ANKRD2: variants seen among roughly 807,000 people sequenced by gnomAD.
ANKRD2 encodes the protein ankyrin repeat domain 2.
ANKRD2 carries 35 observed loss-of-function variants against 37.3 expected under a neutral mutation model. The ratio of observed to expected loss-of-function variants is 0.94; its 90% CI spans 0.72 to 1.24. The LOEUF is 1.24. ANKRD2 is among the 50% of genes most tolerant of loss of function. The probability of loss-of-function intolerance (pLI) is 0.00; values close to 1 mark genes in which losing one functional copy is unlikely to be tolerated. For missense variants in ANKRD2, 410 were observed against 445.6 expected, an observed-to-expected ratio of 0.92 and a Z score of 0.72; for synonymous variants, 159 against 186.5, an observed-to-expected ratio of 0.85 and a Z score of 1.20.
In ANKRD2 at chr10:97,583,655, C is replaced by T. The variant is rs773960501; in HGVS notation, c.932C>T (p.Ala311Val). The T allele has an allele frequency of 1.9e-6, 3 of 1,605,654 alleles. No individual in the cohort carries two copies. Among genetic ancestry groups the T allele is most frequent in the Non-Finnish European group, 1.7e-6 (2 of 1,176,604 alleles). Reference sequence around the variant, plus strand: ...GCCCTGGAGCATCCTGAGCCGGGGGCTGAGCATAACGGGCTGGAGGGGCCT... The same window carrying T: ...GCCCTGGAGCATCCTGAGCCGGGGGTTGAGCATAACGGGCTGGAGGGGCCT... ...RHALEHPEPG[A>V]EHNGLEGPND... Residue 311 changes from alanine (A) to valine (V), a missense_variant, in exon 9 of 9, where the codon GCT becomes GTT. Physicochemically the swap from Ala to Val is moderately conservative, Grantham distance 64 (BLOSUM62 0). Transcript: ENST00000370655.
At chr10:97,575,236 G>T (rs1399308429) in intron 1 of ANKRD2, among the ~76,000 whole-genome samples, 1 of 152,156 alleles carries the variant, frequency 6.6e-6, no homozygotes. Flanking sequence ...GCCTGGCAGG[G>T]TTCTTGGAGG....
chr10:97,583,236 A>G (rs182771753), intron 8 of ANKRD2, among the ~76,000 whole-genome samples: 2 of 152,350 alleles, frequency 1.3e-5, no homozygotes, highest in East Asian at 3.9e-4. Flanking sequence ...GGCTCAAGAA[A>G]GGCTAAAGGG....
upstream of ANKRD2, chr10:97,572,693 T>A: frequency 1.3e-6 from 2 of 1,595,654 alleles, no homozygotes; most frequent in Non-Finnish European, 1.7e-6. Context: ...GGTGGAGAAT[T>A]GGGCCAGTGA....
chr10:97,576,819 C>T (rs770119983), intron 1 of ANKRD2, among the ~76,000 whole-genome samples: 14 of 151,956 alleles, frequency 9.2e-5, no homozygotes, highest in Non-Finnish European at 2.1e-4. Context: ...GCTTCAGCCT[C>T]CCAAGTAGCT....
intron 2 of ANKRD2, 137 bp from the exon 3 acceptor site, chr10:97,578,103 G>A: frequency 5.0e-6 from 6 of 1,198,668 alleles, no homozygotes; most frequent in Non-Finnish European, 6.9e-6. Context: ...CCTGGAAGGA[G>A]GGATAGACCT....
At chr10:97,582,547 A>G (rs2040912824) in intron 7 of ANKRD2, 57 bp from the exon 8 acceptor site, 3 of 1,586,186 alleles carry the variant, frequency 1.9e-6, no homozygotes, top group African/African-American at 1.3e-5. Context: ...ACCTCCCATC[A>G]CCCTTGCCTC....
chr10:97,572,876 G>T lies in ANKRD2; in HGVS notation c.87+1G>T. On this transcript the variant is annotated splice_donor_variant, in intron 1 of 8. Coordinates refer to ENST00000370655, the MANE Select transcript of ANKRD2 (RefSeq NM_001346793.2). LOFTEE classifies it high-confidence loss of function. ...GCTGGCACAGGAGGAGGAGAATGAG[G>T]TGCGAGCAGGGGTGGAGGTGCCCAA... 1 of 1,551,408 alleles carries T rather than the reference G, an allele frequency of 6.4e-7. No homozygotes were observed. Among genetic ancestry groups the T allele is most frequent in the South Asian group, 1.2e-5 (1 of 84,060 alleles).
rs1231352264 is a variant in ANKRD2 at position 97,583,660 on chromosome 10, C to T, written c.937C>T (p.His313Tyr). 4 of 1,605,746 alleles carry T rather than the reference C, an allele frequency of 2.5e-6. No homozygotes were observed. Among genetic ancestry groups the T allele is most frequent in the Non-Finnish European group, 3.4e-6 (4 of 1,176,730 alleles). The change falls in exon 9 of 9, where the codon CAT becomes TAT. Residue 313 changes from histidine (H) to tyrosine (Y), a missense_variant. By Grantham distance (83) the His-to-Tyr change is moderately conservative (BLOSUM62 2). Transcript: ENST00000370655. The part of the protein sequence containing the change: ...ALEHPEPGAE[H>Y]NGLEGPNDSG... ...GGAGCATCCTGAGCCGGGGGCTGAGCATAACGGGCTGGAGGGGCCTAATGA... is the reference window on the plus strand; with the variant it reads ...GGAGCATCCTGAGCCGGGGGCTGAGTATAACGGGCTGGAGGGGCCTAATGA...
intron 8 of ANKRD2, among the ~76,000 whole-genome samples, chr10:97,582,909 C>T (rs2040920844): frequency 6.6e-6 from 1 of 152,190 alleles, no homozygotes; most frequent in African/African-American, 2.4e-5. Flanking sequence ...AGTGCAAGTG[C>T]AGAGAGACAG....
At position 97,583,865 on chromosome 10, in the gene ANKRD2, A is replaced by G. The variant is rs991825234; in HGVS notation, c.*140A>G. 8 of 989,614 alleles carry G rather than the reference A, an allele frequency of 8.1e-6. No individual in the cohort carries two copies. In the East Asian group the frequency reaches 2.0e-4, roughly 24 times the overall value. The allele number at this position is 989,614 out of a possible 1,614,324, so 61.3% of individuals were successfully genotyped here. ...AGCACATACCACAAACTACCACAAT[A>G]AAAAAGCTGTTTTTGCTAATTGCGA... is the stretch of plus-strand genomic sequence containing the variant. On this transcript the variant is annotated 3_prime_UTR_variant, in exon 9 of 9. Coordinates refer to ENST00000370655, the MANE Select transcript of ANKRD2 (RefSeq NM_001346793.2).
chr10:97,578,165 AGCTTAGCTC>A, intron 2 of ANKRD2, 66 bp from the exon 3 acceptor site: 2 of 261,854 alleles, frequency 7.6e-6, no homozygotes, highest in East Asian at 9.3e-5. Context: ...CCTCCCCACC[AGCTTAGCTC>A]AGAGGTCTCC....
At chr10:97,580,987 G>T in intron 5 of ANKRD2, 34 bp downstream of exon 5, 1 of 1,541,592 alleles carries the variant, frequency 6.5e-7, no homozygotes, top group Non-Finnish European at 8.8e-7. Context: ...ATGGGAGACA[G>T]GAGGTGGGTC....
intron 5 of ANKRD2, 139 bp downstream of exon 5, chr10:97,581,092 A>T (rs2040892347): frequency 1.2e-6 from 1 of 856,094 alleles, no homozygotes; most frequent in Non-Finnish European, 1.8e-6. Context: ...GGCTTATGTG[A>T]CCTTGAGTAA....
rs1428784441 is a variant in ANKRD2 at position 97,582,430 on chromosome 10, C to T, written c.753+17C>T. ...AGAGACAGGGTGAGTGCTAGCCTGT[C>T]CGCTGCTCACCCGCCATGGGTGTGT... is the stretch of plus-strand genomic sequence containing the variant. On this transcript the variant is annotated intron_variant, in intron 7 of 8. Coordinates refer to ENST00000370655, the MANE Select transcript of ANKRD2 (RefSeq NM_001346793.2). The T allele has an allele frequency of 1.3e-6, 2 of 1,576,054 alleles. No individual in the cohort carries two copies. Among genetic ancestry groups the T allele is most frequent in the African/African-American group, 2.7e-5 (2 of 73,824 alleles).
chr10:97,578,223 T>C lies in ANKRD2; in HGVS notation c.190-17T>C, dbSNP rs757149741. On this transcript the variant is annotated splice_polypyrimidine_tract_variant and intron_variant, in intron 2 of 8. Coordinates refer to ENST00000370655, the MANE Select transcript of ANKRD2 (RefSeq NM_001346793.2). ...CTCTCTGCCCGGCCTGGGGGGTTGA[T>C]GGGCCATCCCGCGCAGGGCCAAGAG... 1.9e-6 allele frequency: 3 copies of C among 1,605,430 alleles called. No homozygotes were observed. Among genetic ancestry groups the C allele is most frequent in the Non-Finnish European group, 2.6e-6 (3 of 1,176,088 alleles).
chr10:97,578,513 G>T lies in ANKRD2; in HGVS notation c.364G>T (p.Glu122Ter), dbSNP rs781368131. ...ACATCTGCAGACTGGCCCTGTGGAT[G>T]AGGAGACCTTCCTGAAAGCTGCGGT... ...EPEEITGPVD[E>*]ETFLKAAVEG... The change falls in exon 4 of 9, where the codon GAG becomes TAG. Residue 122 changes from glutamate (E) to a stop codon, truncating the protein, a stop_gained. Transcript: ENST00000370655. LOFTEE classifies it high-confidence loss of function. The T allele has an allele frequency of 1.0e-5, 16 of 1,583,020 alleles. No homozygotes were observed. The highest frequency in any genetic ancestry group is 1.7e-4 in the Middle Eastern group (1 of 6,056).
At chr10:97,579,610 T>C (rs1372133384) in intron 4 of ANKRD2, among the ~76,000 whole-genome samples, 1 of 149,272 alleles carries the variant, frequency 6.7e-6, no homozygotes, top group Non-Finnish European at 1.5e-5. Flanking sequence ...TTTTTTGAGA[T>C]GGAGTCTTGC....
chr10:97,580,260 C>T (rs1202140253), intron 4 of ANKRD2, among the ~76,000 whole-genome samples: 1 of 152,214 alleles, frequency 6.6e-6, no homozygotes, highest in Non-Finnish European at 1.5e-5. Flanking sequence ...GAAAGATACT[C>T]ACTGTGTGTG....
intron 1 of ANKRD2, 41 bp from the exon 2 acceptor site, chr10:97,577,759 C>G (rs1429976190): frequency 6.7e-7 from 1 of 1,489,664 alleles, no homozygotes; most frequent in Admixed American, 2.0e-5. Flanking sequence ...GGCTGCCTGT[C>G]TCCTCGGGTC....
Sources: gnomAD v4.1 joint callset for allele counts (sites outside exome capture counted in the v4.1 genomes callset) on GRCh38, gnomAD v4.1.1 for gene constraint, MANE v1.5 for transcripts, NCBI Gene and HGNC (gene_info 2026-07-23, HGNC 2026-07-21) for gene names.